Variants in GATB observed in about 807,000 individuals in gnomAD.
GATB encodes the protein glutamyl-tRNA amidotransferase subunit B, also known as glutamyl-tRNA(Gln) amidotransferase subunit B, mitochondrial.
A neutral mutation model predicts 62.3 loss-of-function variants in GATB; 39 were observed. That is an observed-to-expected ratio of 0.63 (90% CI 0.48 to 0.82). The LOEUF (loss-of-function observed/expected upper bound fraction) is 0.82. GATB is among the 40% of genes least tolerant of loss of function. The pLI is 0.00. For synonymous variants in GATB, 276 were observed against 258.9 expected, an observed-to-expected ratio of 1.07 and a Z score of -0.63; for missense variants, 670 against 684.0, an observed-to-expected ratio of 0.98 and a Z score of 0.23.
rs185286368 is a variant in GATB at position 151,704,027 on chromosome 4, A to G, written c.963-132T>C. On this transcript the variant is annotated intron_variant, in intron 7 of 12. Coordinates refer to ENST00000263985, the MANE Select transcript of GATB (RefSeq NM_004564.3). ...CTGTGGACTTCCATGGGGAAACCTTAAATGAATACATTCAAAAAACAATCA... is the reference window on the plus strand; with the variant it reads ...CTGTGGACTTCCATGGGGAAACCTTGAATGAATACATTCAAAAAACAATCA... The G allele has an allele frequency of 2.3e-5, 14 of 606,334 alleles. No homozygotes were observed. The Admixed American group carries it at 2.5e-4, about 11-fold the overall frequency. The allele number at this position is 606,334 out of a possible 1,614,324, so 37.6% of individuals were successfully genotyped here. A position where few individuals can be genotyped will look rare whatever the true frequency, so the allele number is the denominator to read the frequency against.
At chr4:151,747,198 T>A (rs1739619636) in intron 2 of GATB, among the ~76,000 whole-genome samples, 1 of 152,186 alleles carries the variant, frequency 6.6e-6, no homozygotes, top group Non-Finnish European at 1.5e-5. Flanking sequence ...ACATCAGATG[T>A]CAATGCTTTA....
At chr4:151,758,000 A>G (rs969988359) in intron 2 of GATB, among the ~76,000 whole-genome samples, 2 of 152,198 alleles carry the variant, frequency 1.3e-5, no homozygotes, top group African/African-American at 4.8e-5. Context: ...AATTCAACCA[A>G]TTATATAAAA....
intron 12 of GATB, among the ~76,000 whole-genome samples, chr4:151,672,276 T>A (rs573815879): frequency 1.1e-4 from 16 of 152,154 alleles, no homozygotes; most frequent in Non-Finnish European, 1.6e-4. Flanking sequence ...TGTCAGGGAT[T>A]TTCTCCACAA....
intron 2 of GATB, among the ~76,000 whole-genome samples, chr4:151,728,445 T>A (rs370032406): frequency 6.6e-6 from 1 of 152,232 alleles, no homozygotes; most frequent in Non-Finnish European, 1.5e-5. Flanking sequence ...AACTTTAGGA[T>A]ATGGCCAAGA....
rs1737880330 is a variant in GATB, at chr4:151,672,071, CTG to C, written c.1545+689_1545+690del. On this transcript the variant is annotated intron_variant, in intron 12 of 12. Coordinates refer to ENST00000263985, the MANE Select transcript of GATB (RefSeq NM_004564.3). ...TCCTTATCGAGAGCTCTTTACAGAG[CTG>C]TGAGTGTCCCCGGCAAGCTGATGGG... 3.3e-5 allele frequency among the ~76,000 whole-genome samples: 5 copies of C among 152,168 alleles called. No individual in the cohort carries two copies. In the South Asian group the frequency reaches 1.0e-3, roughly 32 times the overall value.
intron 4 of GATB, 103 bp downstream of exon 4, chr4:151,716,773 T>G (rs1339102304): frequency 4.7e-6 from 5 of 1,061,284 alleles, no homozygotes; most frequent in Non-Finnish European, 7.0e-6. Flanking sequence ...CTCCTGTGAC[T>G]GCTTTCTCAA....
At chr4:151,697,935 A>G (rs1738504723) in intron 9 of GATB, among the ~76,000 whole-genome samples, 1 of 74,712 alleles carries the variant, frequency 1.3e-5, no homozygotes, top group African/African-American at 8.2e-5. Context: ...GATTTCATAT[A>G]TATGTGTGTG....
chr4:151,726,277 A>G lies in GATB; in HGVS notation c.328-6739T>C, dbSNP rs114575678. Among the ~76,000 whole-genome samples the G allele has an allele frequency of 8.8e-3, 1,342 of 152,344 alleles. 5 individuals are homozygous for G. The highest frequency in any genetic ancestry group is 0.014 in the Non-Finnish European group (975 of 68,030). ...TCAAAGCAAAAGTTACCACACGGAT[A>G]AATTTTCATTACAGTTGAGAATATT... On this transcript the variant is annotated intron_variant, in intron 2 of 12. Coordinates refer to ENST00000263985, the MANE Select transcript of GATB (RefSeq NM_004564.3).
intron 3 of GATB, among the ~76,000 whole-genome samples, chr4:151,717,945 G>T (rs1177385284): frequency 6.6e-6 from 1 of 152,192 alleles, no homozygotes; most frequent in Non-Finnish European, 1.5e-5. Flanking sequence ...CTTGCCCACA[G>T]CCACATACAG....
At chr4:151,745,041 T>A (rs1203071264) in intron 2 of GATB, among the ~76,000 whole-genome samples, 1 of 152,206 alleles carries the variant, frequency 6.6e-6, no homozygotes, top group Non-Finnish European at 1.5e-5. Flanking sequence ...TAGAAGTGAT[T>A]TGCAGAGTGA....
At chr4:151,682,034 G>A (rs767582152) in intron 10 of GATB, among the ~76,000 whole-genome samples, 9 of 152,174 alleles carry the variant, frequency 5.9e-5, no homozygotes, top group Non-Finnish European at 1.0e-4. Flanking sequence ...CATAAAAGAC[G>A]TAGGGGTGGA....
At chr4:151,756,467 C>T (rs141382399) in intron 2 of GATB, among the ~76,000 whole-genome samples, 24 of 152,236 alleles carry the variant, frequency 1.6e-4, no homozygotes, top group African/African-American at 2.4e-4. Context: ...ATGTTGCTCA[C>T]GTACAAAATG....
chr4:151,742,378 G>A (rs1333008343), intron 2 of GATB, among the ~76,000 whole-genome samples: 3 of 152,204 alleles, frequency 2.0e-5, no homozygotes, highest in Admixed American at 6.5e-5. Context: ...GTGAGCCACC[G>A]CACCCGGCTG....
chr4:151,708,383 C>T (rs753476268), intron 5 of GATB, among the ~76,000 whole-genome samples: 12 of 152,088 alleles, frequency 7.9e-5, no homozygotes, highest in Non-Finnish European at 1.8e-4. Flanking sequence ...GTTTTAGATT[C>T]GCCAGCTGGA....
chr4:151,679,034 T>G (rs751050314), intron 11 of GATB, among the ~76,000 whole-genome samples: 1 of 152,210 alleles, frequency 6.6e-6, no homozygotes, highest in Non-Finnish European at 1.5e-5. Context: ...TAGCTGGGAT[T>G]ACAGGTGCCC....
At chr4:151,684,086 C>T (rs1221470703) in intron 10 of GATB, among the ~76,000 whole-genome samples, 1 of 152,196 alleles carries the variant, frequency 6.6e-6, no homozygotes, top group African/African-American at 2.4e-5. Flanking sequence ...TGCCTGCAGC[C>T]CATCCTTGGA....
At chr4:151,742,520 A>G (rs904798076) in intron 2 of GATB, among the ~76,000 whole-genome samples, 1 of 152,218 alleles carries the variant, frequency 6.6e-6, no homozygotes, top group Admixed American at 6.5e-5. Flanking sequence ...TTCAACCTTA[A>G]TAAAGTTTCA....
chr4:151,758,733 C>A, intron 2 of GATB, 39 bp downstream of exon 2: 3 of 1,426,380 alleles, frequency 2.1e-6, no homozygotes, highest in Non-Finnish European at 2.8e-6. Context: ...ATAAAATAAA[C>A]ATTTTTCTAA....
intron 9 of GATB, among the ~76,000 whole-genome samples, chr4:151,689,900 C>T (rs946219731): frequency 6.6e-6 from 1 of 152,064 alleles, no homozygotes; most frequent in Non-Finnish European, 1.5e-5. Flanking sequence ...GTAAGTCCAC[C>T]CCTACTATTT....
Sources: allele counts gnomAD v4.1 joint callset (sites outside exome capture counted in the v4.1 genomes callset), GRCh38; gene constraint gnomAD v4.1.1; transcripts MANE v1.5; gene names NCBI Gene and HGNC (gene_info 2026-07-23, HGNC 2026-07-21).